Variants in USP12 observed in about 807,000 individuals in gnomAD.
USP12 encodes the protein ubiquitin specific peptidase 12.
In USP12, 19 loss-of-function variants were observed where a neutral mutation model predicts 45.5. The ratio of observed to expected loss-of-function variants is 0.42; its 90% confidence interval spans 0.29 to 0.61. The LOEUF is 0.61. Among genes scored for constraint, USP12 ranks in the 20% least tolerant of loss-of-function variants. The pLI is 0.22. For synonymous variants in USP12, 149 were observed against 148.8 expected (o/e 1.00, Z -0.01); for missense variants, 242 against 447.7 (o/e 0.54, Z 4.15).
intron 1 of USP12, among the ~76,000 whole-genome samples, chr13:27,134,112 C>T (rs1017352907): frequency 2.0e-5 from 3 of 152,176 alleles, no homozygotes; most frequent in African/African-American, 7.2e-5. Flanking sequence ...CCACTGCACT[C>T]CAGCCTGGGT....
chr13:27,089,664 C>G (rs1874225104), intron 6 of USP12: 2 of 487,954 alleles, frequency 4.1e-6, no homozygotes, highest in South Asian at 5.9e-5. Context: ...TAAATAATCG[C>G]TAGACATAGG....
chr13:27,103,809 A>T (rs1408527170), intron 3 of USP12, among the ~76,000 whole-genome samples: 1 of 151,298 alleles, frequency 6.6e-6, no homozygotes, highest in Non-Finnish European at 1.5e-5. Flanking sequence ...AAAAAAGCCC[A>T]TTTGGAAAAA....
chr13:27,092,321 C>T (rs1874355643), intron 4 of USP12, among the ~76,000 whole-genome samples: 2 of 152,152 alleles, frequency 1.3e-5, no homozygotes, highest in African/African-American at 4.8e-5. Context: ...CAGCAAAATC[C>T]TTATCAAAAT....
intron 6 of USP12, among the ~76,000 whole-genome samples, chr13:27,076,369 G>A (rs1375529560): frequency 6.6e-6 from 1 of 152,088 alleles, no homozygotes; most frequent in East Asian, 1.9e-4. Flanking sequence ...ATTTCTCCCT[G>A]AGAGTGCCTT....
In USP12 at chr13:27,141,012, C is replaced by CTTT. The variant is rs11455614; in HGVS notation, c.49-24419_49-24417dup. ...ATTTGAAATTTTCAGTGTGAAGTCA[C>CTTT]TTTTTTTTTTTTTTTTTTTTTTGAG... On this transcript the variant is annotated intron_variant, in intron 1 of 8. Coordinates refer to ENST00000282344, the MANE Select transcript of USP12 (RefSeq NM_182488.4). Among the ~76,000 whole-genome samples, 144 of 122,556 alleles carry CTTT rather than the reference C, an allele frequency of 1.2e-3. 1 individual carries two copies. The highest frequency in any genetic ancestry group is 1.5e-3 in the African/African-American group (50 of 33,730). The allele number at this position is 122,556 out of a possible 152,430, so 80.4% of individuals were successfully genotyped here. A position where few individuals can be genotyped will look rare whatever the true frequency, so the allele number is the denominator to read the frequency against.
At chr13:27,152,985 T>C (rs1226324422) in intron 1 of USP12, among the ~76,000 whole-genome samples, 2 of 146,546 alleles carry the variant, frequency 1.4e-5, no homozygotes, top group African/African-American at 5.0e-5. Context: ...AAATAGAATA[T>C]GTATGTCAAC....
At chr13:27,151,358 C>G (rs1448081433) in intron 1 of USP12, among the ~76,000 whole-genome samples, 3 of 152,022 alleles carry the variant, frequency 2.0e-5, no homozygotes, top group Non-Finnish European at 4.4e-5. Flanking sequence ...TAGACTTCAT[C>G]AAAATCAAAA....
At chr13:27,112,354 T>C (rs1593190828) in intron 2 of USP12, among the ~76,000 whole-genome samples, 2 of 151,420 alleles carry the variant, frequency 1.3e-5, no homozygotes, top group East Asian at 3.9e-4. Context: ...GGTATGATCA[T>C]GGCTCACTGC....
rs1479809565 is a variant in USP12, at chr13:27,075,393, T to C, written c.735-5A>G. ...GGCAGTTTTTTAACTTTCATCCTAT[T>C]AAAAATAAAAATGAAAACAAAATTT... On this transcript the variant is annotated splice_region_variant and splice_polypyrimidine_tract_variant and intron_variant, in intron 6 of 8. Transcript: ENST00000282344. The C allele has an allele frequency of 6.3e-7, 1 of 1,597,640 alleles. No homozygotes were observed. Among genetic ancestry groups the C allele is most frequent in the Non-Finnish European group, 8.5e-7 (1 of 1,172,528 alleles).
At chr13:27,073,285 AC>A (rs1319038983) in intron 7 of USP12, among the ~76,000 whole-genome samples, 1 of 152,198 alleles carries the variant, frequency 6.6e-6, no homozygotes, top group Non-Finnish European at 1.5e-5. Flanking sequence ...AAGGCAGACC[AC>A]CAGGGCTGTG....
At chr13:27,157,723 T>C (rs1877905963) in intron 1 of USP12, among the ~76,000 whole-genome samples, 1 of 152,190 alleles carries the variant, frequency 6.6e-6, no homozygotes, top group South Asian at 2.1e-4. Context: ...CTCTTCATTT[T>C]TCTCCAAGTT....
chr13:27,122,301 T>C (rs946185332), intron 1 of USP12, among the ~76,000 whole-genome samples: 1 of 152,044 alleles, frequency 6.6e-6, no homozygotes, highest in African/African-American at 2.4e-5. Flanking sequence ...TGGTTTTAAC[T>C]GGGGTTTCTG....
At chr13:27,077,602 G>A (rs1241701901) in intron 6 of USP12, 2 of 152,106 alleles carry the variant, frequency 1.3e-5, no homozygotes, top group Non-Finnish European at 2.9e-5. Flanking sequence ...ACTACCCATG[G>A]AATTGTCAAG....
At chr13:27,084,020 A>G (rs950917960) in intron 6 of USP12, among the ~76,000 whole-genome samples, 8 of 151,804 alleles carry the variant, frequency 5.3e-5, no homozygotes, top group Non-Finnish European at 7.4e-5. Flanking sequence ...GCCTGCCACC[A>G]TGCCTGGCTA....
intron 1 of USP12, among the ~76,000 whole-genome samples, chr13:27,139,209 C>T (rs1380181358): frequency 6.6e-6 from 1 of 152,200 alleles, no homozygotes. Context: ...TCGATTCATA[C>T]CTTACCCTTC....
At chr13:27,080,873 A>G (rs920208137) in intron 6 of USP12, among the ~76,000 whole-genome samples, 3 of 152,338 alleles carry the variant, frequency 2.0e-5, no homozygotes, top group Admixed American at 2.0e-4. Context: ...ATTTAAAAAT[A>G]GTTTATTGCT....
intron 3 of USP12, among the ~76,000 whole-genome samples, chr13:27,099,826 G>T (rs752354208): frequency 1.3e-5 from 2 of 152,114 alleles, no homozygotes; most frequent in African/African-American, 4.8e-5. Flanking sequence ...TTTAGCCTGA[G>T]GGACCCATTA....
At chr13:27,159,258 C>A (rs1012652955) in intron 1 of USP12, among the ~76,000 whole-genome samples, 1 of 152,136 alleles carries the variant, frequency 6.6e-6, no homozygotes, top group Non-Finnish European at 1.5e-5. Context: ...AATCCTCACT[C>A]TGGTAGTTCA....
chr13:27,101,650 A>G (rs533947925), intron 3 of USP12, among the ~76,000 whole-genome samples: 6 of 152,328 alleles, frequency 3.9e-5, no homozygotes, highest in Admixed American at 6.5e-5. Context: ...CTGCAACAAT[A>G]ATGCAAAAAA....
Sources: allele counts gnomAD v4.1 joint callset (sites outside exome capture counted in the v4.1 genomes callset), GRCh38; gene constraint gnomAD v4.1.1; transcripts MANE v1.5; gene names NCBI Gene and HGNC (gene_info 2026-07-23, HGNC 2026-07-21).